PNMA6E: variants seen among roughly 807,000 people sequenced by gnomAD.
PNMA6E encodes PNMA family member 6E.
For missense variants in PNMA6E, 78 were observed against 50.8 expected, an observed-to-expected ratio of 1.53 and a Z score of -1.63; for synonymous variants, 43 against 17.1, an observed-to-expected ratio of 2.52 and a Z score of -3.74.
In PNMA6E at chrX:153,396,574, G is replaced by C. The variant is rs1198694905; in HGVS notation, c.*332C>G. The C allele has an allele frequency of 1.5e-5, 2 of 132,735 alleles. No homozygotes were observed. The highest frequency in any genetic ancestry group is 3.0e-5 in the Non-Finnish European group (2 of 66,959). The allele number at this position is 132,735 out of a possible 1,213,427, so 10.9% of individuals were successfully genotyped here. On this transcript the variant is annotated 3_prime_UTR_variant, in exon 2 of 2. Transcript: ENST00000445091. ...TCTCTCCCAACTCACGGCCTGGGTT[G>C]GGGGCAGACATCTTCAGGTGCCCCC... is the stretch of plus-strand genomic sequence containing the variant.
At chrX:153,403,292 G>A (rs1331752053), upstream of PNMA6E, among the ~76,000 whole-genome samples, 1 of 111,886 alleles carries the variant, frequency 8.9e-6, no homozygotes, top group Non-Finnish European at 1.9e-5. Context: ...CATCTACAAT[G>A]TTATTAAGAT....
Position 153,396,911 on chromosome X carries a change from T to G in PNMA6E, c.1939A>C (p.Lys647Gln), listed in dbSNP as rs2088811736. 1 of 296,391 alleles carries G rather than the reference T, an allele frequency of 3.4e-6. No homozygotes were observed. Among genetic ancestry groups the G allele is most frequent in the Non-Finnish European group, 5.9e-6 (1 of 169,995 alleles). 24.4% of individuals were successfully genotyped at this position (296,391 alleles called of 1,213,427 possible). A position where few individuals can be genotyped will look rare whatever the true frequency, so the allele number is the denominator to read the frequency against. Residue 647 changes from lysine to glutamine, a missense_variant, in exon 2 of 2, where the codon AAA becomes CAA. Transcript: ENST00000445091. ...GGCCCCGGGGCCCTAGGAGCCTATT[T>G]GCCCTGGGAGGACTTGGGCTGGCCC... is the stretch of plus-strand genomic sequence containing the variant. ...DEGQPKSSQG[K>Q]
chrX:153,413,933 C>T, the PNMA6E span, among the ~76,000 whole-genome samples: 1 of 112,310 alleles, frequency 8.9e-6, no homozygotes, highest in African/African-American at 3.2e-5. Flanking sequence ...CACTTGAGTG[C>T]GGGTCTCCGT....
upstream of PNMA6E, among the ~76,000 whole-genome samples, chrX:153,404,518 G>A (rs189827769): frequency 0.026 from 2,927 of 111,015 alleles, 121 homozygotes; most frequent in Admixed American, 0.16. Flanking sequence ...TGGTGGTGGC[G>A]GTGGTGGTTT....
chrX:153,409,455 G>C, the PNMA6E span, among the ~76,000 whole-genome samples: 3 of 113,244 alleles, frequency 2.6e-5, no homozygotes, highest in African/African-American at 9.6e-5. Context: ...GGGAGGGCCC[G>C]TGTGCCCTGT....
chrX:153,396,685 G>A lies in PNMA6E; in HGVS notation c.*221C>T, dbSNP rs112680550. ...TTTGGGGCTGGGGCTGGGTGTGCTG[G>A]GTGCAAGGGAGCGGGGGGGCGCCTC... On this transcript the variant is annotated 3_prime_UTR_variant, in exon 2 of 2. Transcript: ENST00000445091. 3.9e-5 allele frequency: 10 copies of A among 254,234 alleles called. No homozygotes were observed. Among genetic ancestry groups the A allele is most frequent in the African/African-American group, 2.2e-4 (8 of 35,710 alleles). 21.0% of individuals were successfully genotyped at this position (254,234 alleles called of 1,213,427 possible).
At position 153,396,093 on chromosome X, in the gene PNMA6E, G is replaced by C. The variant is rs934721705; in HGVS notation, c.*813C>G. 2.5e-5 allele frequency: 3 copies of C among 121,789 alleles called. No individual in the cohort carries two copies. The highest frequency in any genetic ancestry group is 1.9e-5 in the Non-Finnish European group (1 of 53,276). 10.0% of individuals were successfully genotyped at this position (121,789 alleles called of 1,213,427 possible). On this transcript the variant is annotated 3_prime_UTR_variant, in exon 2 of 2. Coordinates refer to ENST00000445091, the MANE Select transcript of PNMA6E (RefSeq NM_001367770.1). Reference sequence around the variant, plus strand: ...GGTCCGGTTCTTCTTCCCGCAGTCAGGGTCACCATCGTGGTCACGGGGTGA... The same window carrying C: ...GGTCCGGTTCTTCTTCCCGCAGTCACGGTCACCATCGTGGTCACGGGGTGA...
chrX:153,401,643 C>T (rs1483432186), upstream of PNMA6E, among the ~76,000 whole-genome samples: 1 of 112,122 alleles, frequency 8.9e-6, no homozygotes, highest in African/African-American at 3.2e-5. Flanking sequence ...AGTACATTTG[C>T]AAAGCGAAAG....
At chrX:153,403,206 C>T (rs782616993), upstream of PNMA6E, among the ~76,000 whole-genome samples, 4 of 111,915 alleles carry the variant, frequency 3.6e-5, no homozygotes, top group African/African-American at 1.3e-4. Flanking sequence ...CTCACTGAGG[C>T]GCCCTTTTCA....
At chrX:153,399,219 C>A (rs973966461) in intron 1 of PNMA6E, among the ~76,000 whole-genome samples, 3 of 111,851 alleles carry the variant, frequency 2.7e-5, no homozygotes, top group Admixed American at 9.4e-5. Flanking sequence ...TCACAATATT[C>A]CCTCTTTATC....
chrX:153,406,261 C>T (rs2124279017), upstream of PNMA6E, among the ~76,000 whole-genome samples: 1 of 112,163 alleles, frequency 8.9e-6, no homozygotes, highest in Non-Finnish European at 1.9e-5. Context: ...TTCTCAGTTG[C>T]ACATAACAGG....
chrX:153,401,627 C>T (rs782403580), upstream of PNMA6E, among the ~76,000 whole-genome samples: 7 of 112,033 alleles, frequency 6.2e-5, no homozygotes, highest in South Asian at 3.7e-4. Context: ...CCACGAGGAT[C>T]GGCGGAGTAC....
chrX:153,407,092 C>G, the PNMA6E span, among the ~76,000 whole-genome samples: 7 of 112,498 alleles, frequency 6.2e-5, no homozygotes, highest in Non-Finnish European at 1.3e-4. Context: ...GTGCAAATAC[C>G]AAAAAAGCAG....
rs931868696 is a variant in PNMA6E, at chrX:153,396,642, C to G, written c.*264G>C. 1 of 205,178 alleles carries G rather than the reference C, an allele frequency of 4.9e-6. No homozygotes were observed. The highest frequency in any genetic ancestry group is 8.3e-5 in the East Asian group (1 of 12,064). The allele number at this position is 205,178 out of a possible 1,213,427, so 16.9% of individuals were successfully genotyped here. On this transcript the variant is annotated 3_prime_UTR_variant, in exon 2 of 2. Transcript: ENST00000445091. Reference sequence around the variant, plus strand: ...CCACTCAGGGCTCCCTCCAGGCCAGCCCCCCGTGGCGGCAGGGTTTGGGGC... The same window carrying G: ...CCACTCAGGGCTCCCTCCAGGCCAGGCCCCCGTGGCGGCAGGGTTTGGGGC...
the PNMA6E span, among the ~76,000 whole-genome samples, chrX:153,410,524 G>A: frequency 8.9e-6 from 1 of 111,806 alleles, no homozygotes; most frequent in African/African-American, 3.3e-5. Flanking sequence ...CCTGCACTGG[G>A]CCCCCTGGGG....
rs1225183378 is a variant in PNMA6E at position 153,397,134 on chromosome X, T to C, written c.1716A>G (p.Ala572=). ...AGCCCCAGGGGACCTCTATGGGCCT[T>C]GCCTGACCTAGGCCTTCGGGGCCTG... ...APAGPEGLGQ[A]RPIEVPWGSS... Residue 572 remains alanine, a synonymous_variant, in exon 2 of 2, where the codon GCA becomes GCG. Transcript: ENST00000445091. 3.4e-6 allele frequency: 1 copy of C among 296,924 alleles called. No individual in the cohort carries two copies. The highest frequency in any genetic ancestry group is 5.9e-6 in the Non-Finnish European group (1 of 170,150). 24.5% of individuals were successfully genotyped at this position (296,924 alleles called of 1,213,427 possible).
chrX:153,398,700 T>A lies in PNMA6E; in HGVS notation c.150A>T (p.Arg50=). The A allele has an allele frequency of 6.3e-6, 2 of 315,470 alleles. No homozygotes were observed. Among genetic ancestry groups the A allele is most frequent in the Non-Finnish European group, 1.1e-5 (2 of 181,130 alleles). 26.0% of individuals were successfully genotyped at this position (315,470 alleles called of 1,213,427 possible). ...RAALSPLGRY[R]VLTKHFRKEL... is the part of the protein sequence containing the mutation. The stretch of plus-strand genomic sequence containing the variant: ...CCTTTCTGAAGTGCTTGGTGAGTAC[T>A]CGGTACCTGCCCAGGGGCGACAGGG... Residue 50 remains arginine, a synonymous_variant, in exon 2 of 2, where the codon CGA becomes CGT. Coordinates refer to ENST00000445091, the MANE Select transcript of PNMA6E (RefSeq NM_001367770.1).
rs1203331467 is a variant in PNMA6E at position 153,398,934 on chromosome X, G to C, written c.-71-14C>G. The C allele has an allele frequency of 6.8e-6, 2 of 295,613 alleles. No individual in the cohort carries two copies. The highest frequency in any genetic ancestry group is 1.2e-5 in the Non-Finnish European group (2 of 169,994). 24.4% of individuals were successfully genotyped at this position (295,613 alleles called of 1,213,427 possible). A position where few individuals can be genotyped will look rare whatever the true frequency, so the allele number is the denominator to read the frequency against. On this transcript the variant is annotated splice_polypyrimidine_tract_variant and intron_variant, in intron 1 of 1. Coordinates refer to ENST00000445091, the MANE Select transcript of PNMA6E (RefSeq NM_001367770.1). ...CTCCGACACAGCCTGTGAGTGCAAA[G>C]AGAGAAGCTTGTTTGTGCCAAACAC...
the PNMA6E span, among the ~76,000 whole-genome samples, chrX:153,410,487 C>G: frequency 3.6e-5 from 4 of 111,613 alleles, no homozygotes; most frequent in African/African-American, 1.3e-4. Flanking sequence ...CCTGCCTCTG[C>G]GCCGGGAAAG....
Sources: allele counts gnomAD v4.1 joint callset (sites outside exome capture counted in the v4.1 genomes callset), GRCh38; gene constraint gnomAD v4.1.1; transcripts MANE v1.5; gene names NCBI Gene and HGNC (gene_info 2026-07-23, HGNC 2026-07-21).